LRMDA: variants seen among roughly 807,000 people sequenced by gnomAD.
The protein encoded by LRMDA is leucine rich melanocyte differentiation associated.
LRMDA carries 18 observed loss-of-function variants against 29.8 expected under a neutral mutation model. The ratio of observed to expected loss-of-function variants is 0.60; its 90% CI spans 0.42 to 0.90. The LOEUF (loss-of-function observed/expected upper bound fraction) is 0.90. Among genes scored for constraint, LRMDA ranks in the 40% least tolerant of loss-of-function variants. The pLI is 0.00. For missense variants in LRMDA, 273 were observed against 273.9 expected (o/e 1.00, Z 0.02); for synonymous variants, 125 against 109.4 (o/e 1.14, Z -0.89).
chr10:75,985,831 A>T (rs1847253188), intron 2 of LRMDA, among the ~76,000 whole-genome samples: 1 of 152,230 alleles, frequency 6.6e-6, no homozygotes, highest in Non-Finnish European at 1.5e-5. Context: ...GGAAGATGCG[A>T]TGAAGCGAAA....
intron 2 of LRMDA, among the ~76,000 whole-genome samples, chr10:75,673,584 C>T (rs575703163): frequency 1.2e-4 from 18 of 152,206 alleles, no homozygotes; most frequent in Non-Finnish European, 1.5e-4. Context: ...GGATATAAAC[C>T]TATGTATTCT....
At chr10:75,581,919 A>C (rs1840598203) in intron 2 of LRMDA, among the ~76,000 whole-genome samples, 1 of 152,170 alleles carries the variant, frequency 6.6e-6, no homozygotes, top group Admixed American at 6.5e-5. Flanking sequence ...TGTACCCCAG[A>C]AATTTATATA....
chr10:75,614,025 G>A (rs1841068220), intron 2 of LRMDA, among the ~76,000 whole-genome samples: 1 of 152,150 alleles, frequency 6.6e-6, no homozygotes, highest in African/African-American at 2.4e-5. Context: ...CAGCATGTGA[G>A]GAGTCAAGTT....
chr10:75,656,352 T>A (rs1344245296), intron 2 of LRMDA, among the ~76,000 whole-genome samples: 1 of 152,204 alleles, frequency 6.6e-6, no homozygotes, highest in Non-Finnish European at 1.5e-5. Flanking sequence ...AGTTTCTTTA[T>A]CTGTGCAATC....
intron 5 of LRMDA, among the ~76,000 whole-genome samples, chr10:76,230,854 G>T (rs1329722038): frequency 2.0e-5 from 3 of 152,162 alleles, no homozygotes; most frequent in Non-Finnish European, 2.9e-5. Flanking sequence ...TAATAGGCTG[G>T]AGTATCTAAA....
intron 2 of LRMDA, among the ~76,000 whole-genome samples, chr10:75,940,788 G>A (rs1009019798): frequency 1.1e-4 from 17 of 152,138 alleles, no homozygotes; most frequent in African/African-American, 2.6e-4. Flanking sequence ...GTGTGTGCGC[G>A]CGCGTGTGTG....
Position 76,007,033 on chromosome 10 carries a change from C to CGTGT in LRMDA, c.132-28974_132-28973insTGTG, listed in dbSNP as rs1223969205. 1.7e-3 allele frequency among the ~76,000 whole-genome samples: 53 copies of CGTGT among 31,730 alleles called. 1 individual carries two copies. The highest frequency in any genetic ancestry group is 3.0e-3 in the African/African-American group (46 of 15,572). The allele number at this position is 31,730 out of a possible 152,430, so 20.8% of individuals were successfully genotyped here. A position where few individuals can be genotyped will look rare whatever the true frequency, so the allele number is the denominator to read the frequency against. On this transcript the variant is annotated intron_variant, in intron 2 of 6. Coordinates refer to ENST00000611255, the MANE Select transcript of LRMDA (RefSeq NM_001305581.2). ...GTGTGTGTGTGTGTGTGTGTGTGTG[C>CGTGT]GCGTGTGTGTTTATATATTTATTTT...
intron 2 of LRMDA, among the ~76,000 whole-genome samples, chr10:75,764,072 G>C (rs1163822049): frequency 5.9e-5 from 9 of 152,100 alleles, no homozygotes; most frequent in Non-Finnish European, 1.3e-4. Flanking sequence ...GGCTGAGGGT[G>C]GGGCTGGTAG....
intron 2 of LRMDA, among the ~76,000 whole-genome samples, chr10:75,959,042 A>AGATTAT (rs1304487908): frequency 2.0e-5 from 3 of 152,222 alleles, no homozygotes; most frequent in Non-Finnish European, 4.4e-5. Flanking sequence ...TAATTATGGA[A>AGATTAT]GCTACAATTC....
At position 75,466,896 on chromosome 10, in the gene LRMDA, A is replaced by G. The variant is rs189183841; in HGVS notation, c.131+28402A>G. 1.3e-4 allele frequency among the ~76,000 whole-genome samples: 20 copies of G among 152,270 alleles called. No homozygotes were observed. The East Asian group carries it at 3.5e-3, about 26-fold the overall frequency. ...TTTCTGAAAAGGAAAGAAAAAATTA[A>G]AAAAAACCAAACCCCAAACTCAAAT... On this transcript the variant is annotated intron_variant, in intron 2 of 6. Transcript: ENST00000611255.
chr10:75,782,409 T>C (rs751815490), intron 2 of LRMDA, among the ~76,000 whole-genome samples: 10 of 152,186 alleles, frequency 6.6e-5, no homozygotes, highest in Non-Finnish European at 1.3e-4. Flanking sequence ...TTGTCAATCT[T>C]ACCTCTTCCT....
At chr10:76,225,444 C>T (rs975200311) in intron 5 of LRMDA, among the ~76,000 whole-genome samples, 1 of 151,924 alleles carries the variant, frequency 6.6e-6, no homozygotes, top group Non-Finnish European at 1.5e-5. Flanking sequence ...ATATTTGATC[C>T]CCAGTGTTGG....
At chr10:76,449,680 G>C (rs1381737527) in intron 6 of LRMDA, among the ~76,000 whole-genome samples, 1 of 151,746 alleles carries the variant, frequency 6.6e-6, no homozygotes, top group Non-Finnish European at 1.5e-5. Flanking sequence ...ATCTTATGTA[G>C]AGGTTTGGAA....
chr10:76,515,669 C>A (rs965925110), intron 6 of LRMDA, among the ~76,000 whole-genome samples: 1 of 152,040 alleles, frequency 6.6e-6, no homozygotes, highest in Non-Finnish European at 1.5e-5. Flanking sequence ...CCACACCCAG[C>A]AAATTTTTGT....
chr10:76,434,974 C>A (rs1842230514), intron 6 of LRMDA, among the ~76,000 whole-genome samples: 1 of 152,150 alleles, frequency 6.6e-6, no homozygotes, highest in Non-Finnish European at 1.5e-5. Context: ...AAGATACAGA[C>A]CCTTCTTATT....
At chr10:75,873,648 T>G (rs1845149119) in intron 2 of LRMDA, among the ~76,000 whole-genome samples, 1 of 152,222 alleles carries the variant, frequency 6.6e-6, no homozygotes, top group Non-Finnish European at 1.5e-5. Context: ...TGGAGCAGGT[T>G]ACATTTATAC....
chr10:76,436,223 C>T (rs1842243172), intron 6 of LRMDA, among the ~76,000 whole-genome samples: 1 of 152,166 alleles, frequency 6.6e-6, no homozygotes, highest in South Asian at 2.1e-4. Flanking sequence ...GCTCCCGCTT[C>T]CCACAGTGCT....
At chr10:75,508,259 GT>G (rs34677286) in intron 2 of LRMDA, among the ~76,000 whole-genome samples, 79,049 of 151,864 alleles carry the variant, frequency 0.52, 22,709 homozygotes, top group Non-Finnish European at 0.64. Flanking sequence ...TTATGGTGGT[GT>G]TTTTTTCCCC....
At chr10:75,634,781 G>T (rs1841370485) in intron 2 of LRMDA, among the ~76,000 whole-genome samples, 1 of 152,044 alleles carries the variant, frequency 6.6e-6, no homozygotes, top group Admixed American at 6.6e-5. Context: ...TTAAAATATA[G>T]AAAAATTCAT....
Sources: allele counts gnomAD v4.1 joint callset (sites outside exome capture counted in the v4.1 genomes callset), GRCh38; gene constraint gnomAD v4.1.1; transcripts MANE v1.5; gene names NCBI Gene and HGNC (gene_info 2026-07-23, HGNC 2026-07-21).